Variants in SH3GL2 observed in about 807,000 individuals in gnomAD.
SH3GL2 encodes the protein endophilin-A1.
Under a neutral mutation model 46.0 loss-of-function variants are expected in SH3GL2, and 24 were observed. That is an observed-to-expected ratio of 0.52 (90% confidence interval 0.38 to 0.73). The LOEUF is 0.73. Among genes scored for constraint, SH3GL2 ranks in the 30% least tolerant of loss-of-function variants. The pLI, the probability that SH3GL2 is intolerant of heterozygous loss-of-function variation, is 0.00. For synonymous variants in SH3GL2, 196 were observed against 147.1 expected, an observed-to-expected ratio of 1.33 and a Z score of -2.40; for missense variants, 413 against 424.2, an observed-to-expected ratio of 0.97 and a Z score of 0.23.
chr9:17,639,199 A>G (rs912327847), intron 1 of SH3GL2, among the ~76,000 whole-genome samples: 2 of 152,260 alleles, frequency 1.3e-5, no homozygotes, highest in African/African-American at 4.8e-5. Flanking sequence ...CTGCAAAAGA[A>G]AAAAGTGGTA....
chr9:17,703,874 GA>G (rs1821399086), intron 1 of SH3GL2, among the ~76,000 whole-genome samples: 2 of 151,966 alleles, frequency 1.3e-5, no homozygotes, highest in African/African-American at 4.8e-5. Flanking sequence ...CATTCCCCTG[GA>G]AAACTGGAAG....
At chr9:17,726,691 A>G (rs1588277014) in intron 1 of SH3GL2, among the ~76,000 whole-genome samples, 1 of 152,204 alleles carries the variant, frequency 6.6e-6, no homozygotes, top group Admixed American at 6.5e-5. Flanking sequence ...TAGGAAGCAG[A>G]GAGGATCAAT....
intron 1 of SH3GL2, among the ~76,000 whole-genome samples, chr9:17,733,392 C>T (rs1474800960): frequency 1.3e-5 from 2 of 151,916 alleles, no homozygotes; most frequent in Non-Finnish European, 2.9e-5. Context: ...TGTCATCTAG[C>T]ATTAGGTATA....
At chr9:17,728,729 G>A (rs781194505) in intron 1 of SH3GL2, among the ~76,000 whole-genome samples, 2 of 152,050 alleles carry the variant, frequency 1.3e-5, no homozygotes, top group Admixed American at 6.6e-5. Context: ...TGCAGTGTTT[G>A]GTTTTCTGTT....
chr9:17,730,286 T>C (rs1822139851), intron 1 of SH3GL2, among the ~76,000 whole-genome samples: 1 of 152,106 alleles, frequency 6.6e-6, no homozygotes, highest in African/African-American at 2.4e-5. Flanking sequence ...GGGAATGTTT[T>C]TGATTTTTTG....
chr9:17,776,082 G>T (rs1417301947), intron 3 of SH3GL2, among the ~76,000 whole-genome samples: 1 of 152,026 alleles, frequency 6.6e-6, no homozygotes, highest in Non-Finnish European at 1.5e-5. Context: ...GAAAAATAGG[G>T]TGCGGAGGGC....
rs199884545 is a variant in SH3GL2 at position 17,729,894 on chromosome 9, GA to G, written c.46-17171del. On this transcript the variant is annotated intron_variant, in intron 1 of 8. Coordinates refer to ENST00000380607, the MANE Select transcript of SH3GL2 (RefSeq NM_003026.5). The stretch of plus-strand genomic sequence containing the variant: ...ACTATAGTTTGAAGTCATGTGGCAT[GA>G]TGCCTCCAGCTTTGTTGTTTTTGCT... Among the ~76,000 whole-genome samples the G allele has an allele frequency of 5.3e-3, 804 of 152,290 alleles. 17 individuals are homozygous for G. In the East Asian group the frequency reaches 0.065, roughly 12 times the overall value.
intron 1 of SH3GL2, among the ~76,000 whole-genome samples, chr9:17,616,149 C>G (rs1190249058): frequency 3.3e-5 from 5 of 152,106 alleles, no homozygotes; most frequent in African/African-American, 9.7e-5. Flanking sequence ...ATTTACTAAG[C>G]TGTTTGTGTA....
chr9:17,647,882 C>G (rs117039259), intron 1 of SH3GL2, among the ~76,000 whole-genome samples: 1 of 152,154 alleles, frequency 6.6e-6, no homozygotes. Flanking sequence ...TTTCTTCCAC[C>G]TCTGCCACCC....
chr9:17,704,092 A>G (rs1234250531), intron 1 of SH3GL2, among the ~76,000 whole-genome samples: 1 of 151,988 alleles, frequency 6.6e-6, no homozygotes, highest in Non-Finnish European at 1.5e-5. Context: ...CTTCAGTGAA[A>G]TTTCAGGATA....
chr9:17,766,375 T>A (rs889367170), intron 3 of SH3GL2, among the ~76,000 whole-genome samples: 2 of 152,264 alleles, frequency 1.3e-5, no homozygotes, highest in Non-Finnish European at 2.9e-5. Flanking sequence ...TAGAAAGTAC[T>A]GTGCACAAAT....
intron 1 of SH3GL2, among the ~76,000 whole-genome samples, chr9:17,697,386 G>T (rs975696776): frequency 2.7e-5 from 4 of 150,246 alleles, no homozygotes; most frequent in Non-Finnish European, 4.4e-5. Flanking sequence ...ACCATGCCTG[G>T]CTAATTTTTG....
At chr9:17,717,726 G>A (rs536798859) in intron 1 of SH3GL2, among the ~76,000 whole-genome samples, 1 of 152,162 alleles carries the variant, frequency 6.6e-6, no homozygotes, top group East Asian at 1.9e-4. Flanking sequence ...CAAGTCATAG[G>A]ATTTTATAGA....
chr9:17,747,805 C>G (rs1822737112), intron 2 of SH3GL2, among the ~76,000 whole-genome samples: 5 of 152,048 alleles, frequency 3.3e-5, no homozygotes, highest in Admixed American at 6.6e-5. Flanking sequence ...CCCTGAGTAT[C>G]TGGGATTACA....
At chr9:17,795,492 A>C in intron 8 of SH3GL2, 52 bp from the exon 9 acceptor site, 91 of 1,465,504 alleles carry the variant, frequency 6.2e-5, no homozygotes, top group Non-Finnish European at 8.0e-5. Flanking sequence ...CTGTGAGTTA[A>C]ATACCCCTTA....
chr9:17,615,653 C>T (rs1306252332), intron 1 of SH3GL2, among the ~76,000 whole-genome samples: 7 of 94,198 alleles, frequency 7.4e-5, no homozygotes, highest in South Asian at 4.8e-4. Context: ...AGCGAGACTC[C>T]GTCTCAAAAA....
intron 1 of SH3GL2, among the ~76,000 whole-genome samples, chr9:17,585,266 G>GAA (rs1183369261): frequency 6.6e-6 from 1 of 152,182 alleles, no homozygotes; most frequent in Non-Finnish European, 1.5e-5. Context: ...TGGAGTTTAA[G>GAA]AACTGCTTCA....
At chr9:17,667,112 A>G (rs1820363132) in intron 1 of SH3GL2, among the ~76,000 whole-genome samples, 1 of 152,148 alleles carries the variant, frequency 6.6e-6, no homozygotes, top group African/African-American at 2.4e-5. Context: ...TCTTTTAAAC[A>G]TATTTGGTAT....
chr9:17,787,598 G>T (rs533058837), intron 5 of SH3GL2, 85 bp downstream of exon 5: 62 of 1,145,862 alleles, frequency 5.4e-5, no homozygotes, highest in South Asian at 4.2e-4. Context: ...CATTTTTTTA[G>T]CTTACCCTGT....
Sources: gnomAD v4.1 joint callset for allele counts (sites outside exome capture counted in the v4.1 genomes callset) on GRCh38, gnomAD v4.1.1 for gene constraint, MANE v1.5 for transcripts, NCBI Gene and HGNC (gene_info 2026-07-23, HGNC 2026-07-21) for gene names.